Variants in DYNLL1 observed in about 807,000 individuals in gnomAD.
The protein encoded by DYNLL1 is dynein light chain 1, cytoplasmic.
A neutral mutation model predicts 10.1 loss-of-function variants in DYNLL1; 3 were observed. The ratio of observed to expected loss-of-function variants is 0.30; its 90% CI spans 0.14 to 0.77. The LOEUF (loss-of-function observed/expected upper bound fraction) is 0.77. Among genes scored for constraint, DYNLL1 ranks in the 30% least tolerant of loss-of-function variants. The pLI, the probability that DYNLL1 is intolerant of heterozygous loss-of-function variation, is 0.66. For missense variants in DYNLL1, 47 were observed against 111.7 expected (o/e 0.42, Z 2.61); for synonymous variants, 46 against 41.2 (o/e 1.12, Z -0.45).
chr12:120,476,831 C>T (rs1002462678), intron 1 of DYNLL1, among the ~76,000 whole-genome samples: 3 of 152,256 alleles, frequency 2.0e-5, no homozygotes, highest in African/African-American at 7.2e-5. Context: ...AGGCTGGTCT[C>T]GAACTCCCAA....
Position 120,496,138 on chromosome 12 carries a change from C to G in DYNLL1, c.-85C>G, listed in dbSNP as rs1020421379. On this transcript the variant is annotated 5_prime_UTR_variant, in exon 1 of 3. Transcript: ENST00000242577. ...AGATGCGCCACGGTTTCGGTAGCGA[C>G]GGTATCTCTAGCCGGGCCTGAGCTG... The G allele has an allele frequency of 1.9e-6, 1 of 526,682 alleles. No individual in the cohort carries two copies. Among genetic ancestry groups the G allele is most frequent in the South Asian group, 2.3e-5 (1 of 44,336 alleles). 32.6% of individuals were successfully genotyped at this position (526,682 alleles called of 1,614,324 possible). A position where few individuals can be genotyped will look rare whatever the true frequency, so the allele number is the denominator to read the frequency against.
At chr12:120,477,594 A>T (rs1878783685) in intron 1 of DYNLL1, among the ~76,000 whole-genome samples, 1 of 151,892 alleles carries the variant, frequency 6.6e-6, no homozygotes, top group African/African-American at 2.4e-5. Flanking sequence ...TACAAAAAAA[A>T]TAAATAAATA....
intron 1 of DYNLL1, among the ~76,000 whole-genome samples, chr12:120,483,375 G>A (rs1327354844): frequency 6.6e-6 from 1 of 151,894 alleles, no homozygotes; most frequent in African/African-American, 2.4e-5. Flanking sequence ...AGCGAAGGTG[G>A]TGAGATATAT....
intron 1 of DYNLL1, among the ~76,000 whole-genome samples, chr12:120,471,316 T>G (rs1592995414): frequency 6.6e-6 from 1 of 151,710 alleles, no homozygotes; most frequent in African/African-American, 2.4e-5. Flanking sequence ...GAGGTTGCAG[T>G]GAGCCGAGAT....
chr12:120,479,469 AATAAT>A (rs761537720), intron 1 of DYNLL1, among the ~76,000 whole-genome samples: 2 of 87,264 alleles, frequency 2.3e-5, no homozygotes, highest in African/African-American at 4.5e-5. Flanking sequence ...AAAAAAAAAA[AATAAT>A]AATAATAATA....
At position 120,496,401 on chromosome 12, in the gene DYNLL1, G is replaced by A; in HGVS notation, c.-6-15G>A. The A allele has an allele frequency of 6.2e-7, 1 of 1,613,974 alleles. No individual in the cohort carries two copies. Among genetic ancestry groups the A allele is most frequent in the Middle Eastern group, 1.7e-4 (1 of 6,048 alleles). Reference sequence around the variant, plus strand: ...CGGCCCAACTCAACCCCTTACCCCAGGCCTTGCCCACTAGGTAACCATGTG... The same window carrying A: ...CGGCCCAACTCAACCCCTTACCCCAAGCCTTGCCCACTAGGTAACCATGTG... On this transcript the variant is annotated splice_polypyrimidine_tract_variant and intron_variant, in intron 1 of 2. Coordinates refer to ENST00000242577, the MANE Select transcript of DYNLL1 (RefSeq NM_003746.3).
At chr12:120,476,035 G>A (rs989725955) in intron 1 of DYNLL1, among the ~76,000 whole-genome samples, 1 of 152,114 alleles carries the variant, frequency 6.6e-6, no homozygotes. Flanking sequence ...ATTTTCCACT[G>A]TAACAAACCT....
chr12:120,472,061 T>C (rs1878663014), intron 1 of DYNLL1, among the ~76,000 whole-genome samples: 1 of 152,230 alleles, frequency 6.6e-6, no homozygotes, highest in Non-Finnish European at 1.5e-5. Context: ...GTTACACAAT[T>C]ATTAAGTCAT....
At chr12:120,497,007 C>T (rs1016773559) in intron 2 of DYNLL1, 1 of 262,512 alleles carries the variant, frequency 3.8e-6, no homozygotes, top group Admixed American at 4.8e-5. Context: ...AAATGGCAGT[C>T]TAGAAAGCCG....
chr12:120,490,924 T>C (rs1360146857), intron 1 of DYNLL1: 1 of 152,204 alleles, frequency 6.6e-6, no homozygotes, highest in African/African-American at 2.4e-5. Context: ...CTGCACCACA[T>C]TCTCTATGTG....
At chr12:120,476,624 T>G (rs887911554) in intron 1 of DYNLL1, among the ~76,000 whole-genome samples, 19 of 152,208 alleles carry the variant, frequency 1.2e-4, no homozygotes, top group Admixed American at 2.0e-4. Flanking sequence ...TTTTGTTTGT[T>G]TTTTGAGACA....
chr12:120,492,644 C>T (rs1338564992), upstream of DYNLL1, among the ~76,000 whole-genome samples: 4 of 152,134 alleles, frequency 2.6e-5, no homozygotes, highest in African/African-American at 9.7e-5. The surrounding 1 kb of genome is among the most constrained non-coding windows in gnomAD (Gnocchi z 4.1). Context: ...CTTGAAGGAG[C>T]TCATAGCTTA....
At position 120,498,296 on chromosome 12, in the gene DYNLL1, C is replaced by T; in HGVS notation, c.*86C>T. 4 of 1,509,544 alleles carry T rather than the reference C, an allele frequency of 2.6e-6. No homozygotes were observed. Among genetic ancestry groups the T allele is most frequent in the Admixed American group, 2.1e-5 (1 of 48,002 alleles). The allele number at this position is 1,509,544 out of a possible 1,614,324, so 93.5% of individuals were successfully genotyped here. On this transcript the variant is annotated 3_prime_UTR_variant, in exon 3 of 3. Transcript: ENST00000242577. ...TCCAAATACCAGAGACTGAAATTTT[C>T]AGCCTTGCTAAGGGAACATCTCGAT...
intron 1 of DYNLL1, among the ~76,000 whole-genome samples, chr12:120,472,518 G>A (rs1418459349): frequency 6.6e-6 from 1 of 152,030 alleles, no homozygotes; most frequent in Non-Finnish European, 1.5e-5. Context: ...TTTGGGTGGT[G>A]TGCTTAGGTG....
chr12:120,496,331 G>C, intron 1 of DYNLL1, 85 bp from the exon 2 acceptor site: 1 of 1,571,080 alleles, frequency 6.4e-7, no homozygotes, highest in African/African-American at 1.3e-5. Context: ...GCGTCGTCCC[G>C]TGGTGGCGCC....
intron 1 of DYNLL1, among the ~76,000 whole-genome samples, chr12:120,472,135 T>C (rs771040133): frequency 2.0e-5 from 3 of 152,132 alleles, no homozygotes; most frequent in Non-Finnish European, 4.4e-5. Context: ...TTGAAAGTGG[T>C]GTTTAATGTA....
At chr12:120,477,551 GAC>G (rs1261376023) in intron 1 of DYNLL1, among the ~76,000 whole-genome samples, 4 of 151,746 alleles carry the variant, frequency 2.6e-5, no homozygotes, top group African/African-American at 9.7e-5. Context: ...AGGAGTTCCA[GAC>G]CAGCCTAGGA....
intron 2 of DYNLL1, 62 bp from the exon 3 acceptor site, chr12:120,498,011 C>A: frequency 1.3e-6 from 2 of 1,537,912 alleles, no homozygotes; most frequent in Non-Finnish European, 1.8e-6. Flanking sequence ...CTGGCTTATC[C>A]AAGAGGCAAA....
At chr12:120,472,132 T>C (rs1878664341) in intron 1 of DYNLL1, among the ~76,000 whole-genome samples, 1 of 152,088 alleles carries the variant, frequency 6.6e-6, no homozygotes, top group Non-Finnish European at 1.5e-5. Flanking sequence ...GAATTGAAAG[T>C]GGTGTTTAAT....
Sources: allele counts gnomAD v4.1 joint callset (sites outside exome capture counted in the v4.1 genomes callset), GRCh38; gene constraint gnomAD v4.1.1; non-coding constraint Gnocchi (gnomAD v3.1); transcripts MANE v1.5; gene names NCBI Gene and HGNC (gene_info 2026-07-23, HGNC 2026-07-21).